Variants in ZFHX3 observed in about 807,000 individuals in gnomAD.
ZFHX3 encodes zinc finger homeobox protein 3.
A neutral mutation model predicts 279.1 loss-of-function variants in ZFHX3; 42 were observed. That is an observed-to-expected ratio of 0.15 (90% confidence interval 0.12 to 0.19). ZFHX3 has a LOEUF of 0.19. ZFHX3 is among the 10% of genes least tolerant of loss of function. The pLI, the probability that ZFHX3 is intolerant of heterozygous loss-of-function variation, is 1.00. For synonymous variants in ZFHX3, 2,293 were observed against 1,957.8 expected, an observed-to-expected ratio of 1.17 and a Z score of -4.52; for missense variants, 4,981 against 4,754.0, an observed-to-expected ratio of 1.05 and a Z score of -1.40.
chr16:73,651,680 CAAAAAAAAAAAAAAAA>C (rs57386925), intron 2 of ZFHX3, among the ~76,000 whole-genome samples: 4 of 41,660 alleles, frequency 9.6e-5, no homozygotes, highest in Non-Finnish European at 2.0e-4. Context: ...ACTAAAAATA[CAAAAAAAAAAAAAAAA>C]AAAAAAAAAA....
intron 4 of ZFHX3, among the ~76,000 whole-genome samples, chr16:73,271,318 C>T (rs977507116): frequency 3.9e-5 from 6 of 152,184 alleles, no homozygotes; most frequent in African/African-American, 7.2e-5. Context: ...TGAGACCCTC[C>T]GATTTCAGTG....
chr16:73,722,723 A>G (rs919610094), intron 1 of ZFHX3, among the ~76,000 whole-genome samples: 5 of 152,216 alleles, frequency 3.3e-5, no homozygotes, highest in Non-Finnish European at 7.3e-5. Context: ...GATATGGGTA[A>G]GAAGGGCTCA....
Position 72,873,890 on chromosome 16 carries a change from AAC to A in ZFHX3, c.3448+15839_3448+15840del, listed in dbSNP as rs2038229350. Among the ~76,000 whole-genome samples, 3 of 152,314 alleles carry A rather than the reference AAC, an allele frequency of 2.0e-5. No homozygotes were observed. In the South Asian group the frequency reaches 6.2e-4, roughly 32 times the overall value. ...ACACAGATTTCCACCACATAATCGT[AAC>A]ACAGTTTACTTAATCTTCTTATATT... On this transcript the variant is annotated intron_variant, in intron 4 of 9. Coordinates refer to ENST00000268489, the MANE Select transcript of ZFHX3 (RefSeq NM_006885.4).
intron 2 of ZFHX3, among the ~76,000 whole-genome samples, chr16:73,603,783 T>C (rs1330000801): frequency 6.7e-6 from 1 of 148,360 alleles, no homozygotes; most frequent in Non-Finnish European, 1.5e-5. Flanking sequence ...TTTTTTTTTT[T>C]TTTTTTTTGA....
chr16:73,752,695 C>T (rs1006137712), intron 1 of ZFHX3, among the ~76,000 whole-genome samples: 5 of 152,124 alleles, frequency 3.3e-5, no homozygotes, highest in Non-Finnish European at 5.9e-5. Flanking sequence ...AAGAATCAGC[C>T]CTAACAAAAC....
At chr16:73,119,061 C>T (rs1332783836) in intron 7 of ZFHX3, among the ~76,000 whole-genome samples, 1 of 152,006 alleles carries the variant, frequency 6.6e-6, no homozygotes, top group African/African-American at 2.4e-5. Context: ...TTCAGGAATC[C>T]TACTTGAAAT....
At chr16:73,277,692 A>C (rs1364919781) in intron 4 of ZFHX3, among the ~76,000 whole-genome samples, 2 of 152,222 alleles carry the variant, frequency 1.3e-5, no homozygotes, top group African/African-American at 4.8e-5. Flanking sequence ...CTTATGGTGG[A>C]AAGAGAAATG....
chr16:73,440,030 CA>C (rs1364491645), intron 3 of ZFHX3, among the ~76,000 whole-genome samples: 1 of 150,494 alleles, frequency 6.6e-6, no homozygotes, highest in Admixed American at 6.6e-5. Flanking sequence ...TGTTAGCAGT[CA>C]AGTGCGTTGT....
At chr16:72,874,880 A>C (rs2038270408) in intron 4 of ZFHX3, among the ~76,000 whole-genome samples, 1 of 151,840 alleles carries the variant, frequency 6.6e-6, no homozygotes, top group South Asian at 2.1e-4. Flanking sequence ...TTTTTCCCCC[A>C]CCTTCTGCTG....
At chr16:72,898,885 T>A (rs1443828969) in intron 3 of ZFHX3, among the ~76,000 whole-genome samples, 2 of 152,050 alleles carry the variant, frequency 1.3e-5, no homozygotes, top group Admixed American at 1.3e-4. Context: ...CAGATCATAA[T>A]GTCACAAGCA....
At chr16:73,186,919 A>C (rs560526539) in intron 5 of ZFHX3, among the ~76,000 whole-genome samples, 15 of 152,282 alleles carry the variant, frequency 9.9e-5, no homozygotes, top group African/African-American at 3.6e-4. Flanking sequence ...AACTCTAAAA[A>C]TATGTACAGA....
intron 3 of ZFHX3, among the ~76,000 whole-genome samples, chr16:73,364,481 A>T (rs1333169798): frequency 6.6e-6 from 1 of 152,140 alleles, no homozygotes; most frequent in Non-Finnish European, 1.5e-5. Flanking sequence ...CGGTCTGGTC[A>T]GGGAGACAGA....
chr16:73,864,865 C>T (rs1961972585), intron 1 of ZFHX3, among the ~76,000 whole-genome samples: 1 of 152,254 alleles, frequency 6.6e-6, no homozygotes, highest in Admixed American at 6.5e-5. Context: ...CTCATTGCAG[C>T]TCCTGTCAGT....
chr16:72,824,279 C>G (rs533178536), intron 5 of ZFHX3, among the ~76,000 whole-genome samples: 12 of 152,316 alleles, frequency 7.9e-5, no homozygotes, highest in African/African-American at 2.9e-4. Flanking sequence ...CTAACAGTCA[C>G]CCAGACCTTG....
chr16:73,606,280 G>T (rs2052181916), intron 2 of ZFHX3, among the ~76,000 whole-genome samples: 2 of 150,370 alleles, frequency 1.3e-5, no homozygotes, highest in South Asian at 4.2e-4. Context: ...GGCCGAGGTG[G>T]GCAGGTCACC....
chr16:73,143,774 G>A, exon 6 of ZFHX3: 2 of 1,305,588 alleles, frequency 1.5e-6, no homozygotes, highest in South Asian at 2.5e-5. Context: ...GGCAAAGCTG[G>A]ACACCATCCA....
chr16:72,822,804 T>G lies in ZFHX3; in HGVS notation c.3529+6975A>C, dbSNP rs549240417. Among the ~76,000 whole-genome samples the G allele has an allele frequency of 7.3e-5, 11 of 150,464 alleles. No individual in the cohort carries two copies. In the East Asian group the frequency reaches 1.4e-3, roughly 19 times the overall value. On this transcript the variant is annotated intron_variant, in intron 5 of 9. Transcript: ENST00000268489. The stretch of plus-strand genomic sequence containing the variant: ...CACTTCTAGAAAGTGAGTTTTTTTT[T>G]TTTTTTTTTTTTGCATGTCCTGTAC...
At chr16:73,495,674 C>T (rs147849615) in intron 2 of ZFHX3, among the ~76,000 whole-genome samples, 424 of 152,274 alleles carry the variant, frequency 2.8e-3, no homozygotes, top group Non-Finnish European at 4.8e-3. Flanking sequence ...CCTGAAAAGA[C>T]GTTAAGGCTC....
At chr16:72,879,954 C>T (rs1172126531) in intron 4 of ZFHX3, among the ~76,000 whole-genome samples, 1 of 152,182 alleles carries the variant, frequency 6.6e-6, no homozygotes, top group East Asian at 1.9e-4. Flanking sequence ...GTAAAATGGG[C>T]TCAGAGGACA....
Sources: gnomAD v4.1 joint callset for allele counts (sites outside exome capture counted in the v4.1 genomes callset) on GRCh38, gnomAD v4.1.1 for gene constraint, MANE v1.5 for transcripts, NCBI Gene and HGNC (gene_info 2026-07-23, HGNC 2026-07-21) for gene names.